The following FHIT variants were observed in gnomAD, a reference collection of about 807,000 sequenced individuals.
The protein encoded by FHIT is fragile histidine triad diadenosine triphosphatase, also known as bis(5'-adenosyl)-triphosphatase.
A neutral mutation model predicts 17.9 loss-of-function variants in FHIT; 19 were observed. The observed-to-expected ratio is 1.06, with a 90% CI of 0.74 to 1.56. The LOEUF (loss-of-function observed/expected upper bound fraction) is 1.56, where lower values mean the gene tolerates loss of function less well. FHIT is among the 40% of genes most tolerant of loss of function. The probability of loss-of-function intolerance (pLI) is 0.00; values close to 1 mark genes in which losing one functional copy is unlikely to be tolerated. For missense variants in FHIT, 248 were observed against 189.2 expected (o/e 1.31, Z -1.82); for synonymous variants, 81 against 69.7 (o/e 1.16, Z -0.81).
chr3:61,104,849 G>A (rs530923671), intron 2 of FHIT, among the ~76,000 whole-genome samples: 3 of 151,790 alleles, frequency 2.0e-5, no homozygotes, highest in Non-Finnish European at 4.4e-5. Flanking sequence ...CCTCTGCTTG[G>A]TCTATTCTAC....
At chr3:60,175,349 C>A (rs974361566) in intron 5 of FHIT, among the ~76,000 whole-genome samples, 3 of 152,092 alleles carry the variant, frequency 2.0e-5, no homozygotes, top group Admixed American at 6.5e-5. Flanking sequence ...ATAGGGTGAA[C>A]CCCCTGCTAT....
chr3:59,990,962 G>T (rs1428316204), intron 7 of FHIT, among the ~76,000 whole-genome samples: 1 of 151,904 alleles, frequency 6.6e-6, no homozygotes, highest in Non-Finnish European at 1.5e-5. Context: ...GTTGAACAGG[G>T]TTATCAATTA....
chr3:60,043,427 T>A (rs1323586853), intron 5 of FHIT, among the ~76,000 whole-genome samples: 2 of 152,224 alleles, frequency 1.3e-5, no homozygotes, highest in African/African-American at 4.8e-5. Context: ...ATGATAATTT[T>A]ATGCCATTTT....
At chr3:60,441,714 AT>A (rs2107330944) in intron 5 of FHIT, among the ~76,000 whole-genome samples, 1 of 72,202 alleles carries the variant, frequency 1.4e-5, no homozygotes, top group African/African-American at 4.2e-5. Context: ...ATATATATAT[AT>A]ATATATATTT....
rs563892080 is a variant in FHIT, at chr3:59,848,825, G to A, written c.348+73521C>T. On this transcript the variant is annotated intron_variant, in intron 8 of 9. Coordinates refer to ENST00000492590, the MANE Select transcript of FHIT (RefSeq NM_002012.4). ...TATCAGATTCTTCCTTCAATGCCCA[G>A]TAACAATAAAACACTTGGGGAAAAA... is the stretch of plus-strand genomic sequence containing the variant. Among the ~76,000 whole-genome samples, 12 of 152,256 alleles carry A rather than the reference G, an allele frequency of 7.9e-5. No individual in the cohort carries two copies. In the South Asian group the frequency reaches 2.5e-3, roughly 32 times the overall value.
At chr3:59,854,883 T>C (rs1294535685) in intron 8 of FHIT, among the ~76,000 whole-genome samples, 2 of 152,202 alleles carry the variant, frequency 1.3e-5, no homozygotes, top group Admixed American at 6.5e-5. Flanking sequence ...AGTCTCTTTA[T>C]CCAACGGCAC....
At chr3:60,809,267 C>G (rs1329473041) in intron 4 of FHIT, among the ~76,000 whole-genome samples, 1 of 152,100 alleles carries the variant, frequency 6.6e-6, no homozygotes, top group African/African-American at 2.4e-5. Flanking sequence ...TTTTCTCTCT[C>G]TGTTAGTTCT....
intron 3 of FHIT, among the ~76,000 whole-genome samples, chr3:61,031,078 C>A (rs1347019107): frequency 6.6e-6 from 1 of 152,072 alleles, no homozygotes; most frequent in Non-Finnish European, 1.5e-5. Flanking sequence ...TGCTTCAACC[C>A]GATCTCAAAA....
At chr3:60,153,196 T>C (rs1481527083) in intron 5 of FHIT, among the ~76,000 whole-genome samples, 1 of 152,184 alleles carries the variant, frequency 6.6e-6, no homozygotes, top group Non-Finnish European at 1.5e-5. Flanking sequence ...GTTTTCCAGA[T>C]GCAGATCCAG....
At chr3:61,248,344 C>G (rs2040534945) in intron 1 of FHIT, among the ~76,000 whole-genome samples, 1 of 152,044 alleles carries the variant, frequency 6.6e-6, no homozygotes, top group South Asian at 2.1e-4. Context: ...GAGAACTTCT[C>G]AAATAGACTG....
intron 8 of FHIT, among the ~76,000 whole-genome samples, chr3:59,752,664 C>T (rs982546726): frequency 2.0e-5 from 3 of 152,052 alleles, no homozygotes; most frequent in Non-Finnish European, 4.4e-5. Flanking sequence ...GCAGAATTCC[C>T]CATTGGTGCT....
chr3:59,900,135 C>T (rs558070948), intron 8 of FHIT, among the ~76,000 whole-genome samples: 3 of 152,310 alleles, frequency 2.0e-5, no homozygotes, highest in Admixed American at 6.5e-5. Context: ...ATGAAGCAGC[C>T]TGTTGGATTC....
At chr3:60,990,509 T>A (rs1217105126) in intron 3 of FHIT, among the ~76,000 whole-genome samples, 1 of 152,238 alleles carries the variant, frequency 6.6e-6, no homozygotes, top group African/African-American at 2.4e-5. Flanking sequence ...TATAAAAATA[T>A]GTGTTAATTG....
chr3:59,950,965 A>G (rs1392784653), intron 7 of FHIT, among the ~76,000 whole-genome samples: 2 of 152,264 alleles, frequency 1.3e-5, no homozygotes, highest in East Asian at 1.9e-4. Flanking sequence ...GGCCCTAACC[A>G]CTTTCATATG....
At chr3:59,825,563 C>A (rs1157007470) in intron 8 of FHIT, among the ~76,000 whole-genome samples, 1 of 152,202 alleles carries the variant, frequency 6.6e-6, no homozygotes, top group Non-Finnish European at 1.5e-5. Context: ...TATCAATTTG[C>A]TCCCACACCT....
intron 4 of FHIT, among the ~76,000 whole-genome samples, chr3:60,705,784 C>A (rs1000385012): frequency 6.6e-6 from 1 of 152,150 alleles, no homozygotes; most frequent in Non-Finnish European, 1.5e-5. Context: ...GCTACACATG[C>A]GTCTCACACC....
chr3:60,390,387 T>A (rs1200227140), intron 5 of FHIT, among the ~76,000 whole-genome samples: 3 of 104,538 alleles, frequency 2.9e-5, no homozygotes, highest in African/African-American at 8.8e-5. Context: ...CTTAAGATTG[T>A]AATGGAGCTA....
intron 5 of FHIT, among the ~76,000 whole-genome samples, chr3:60,119,543 TA>T (rs1705150652): frequency 6.6e-6 from 1 of 152,160 alleles, no homozygotes; most frequent in South Asian, 2.1e-4. Flanking sequence ...ATGGGAGGGG[TA>T]TTGCATATTT....
intron 5 of FHIT, among the ~76,000 whole-genome samples, chr3:60,429,546 T>C (rs1260142723): frequency 5.3e-5 from 8 of 151,948 alleles, no homozygotes; most frequent in African/African-American, 1.2e-4. Context: ...AAGCAAACCC[T>C]GGCAAGAGCC....
Sources: allele counts gnomAD v4.1 joint callset (sites outside exome capture counted in the v4.1 genomes callset), GRCh38; gene constraint gnomAD v4.1.1; transcripts MANE v1.5; gene names NCBI Gene and HGNC (gene_info 2026-07-23, HGNC 2026-07-21).